The following WDR82 variants were observed in gnomAD, a reference collection of about 807,000 sequenced individuals.
WDR82 encodes WD repeat domain 82, also known as WD repeat-containing protein 82.
A neutral mutation model predicts 36.1 loss-of-function variants in WDR82; 8 were observed. That is an observed-to-expected ratio of 0.22 (90% CI 0.13 to 0.40). The LOEUF (loss-of-function observed/expected upper bound fraction) is 0.40, where lower values mean the gene tolerates loss of function less well. Among genes scored for constraint, WDR82 ranks in the 10% least tolerant of loss-of-function variants. The pLI, the probability that WDR82 is intolerant of heterozygous loss-of-function variation, is 1.00. For synonymous variants in WDR82, 129 were observed against 137.8 expected (o/e 0.94, Z 0.45); for missense variants, 185 against 400.5 (o/e 0.46, Z 4.59).
chr3:52,266,993 A>G lies in WDR82; in HGVS notation c.285T>C (p.His95=), dbSNP rs1700111664. The change falls in exon 3 of 9, where the codon CAT becomes CAC. Residue 95 remains histidine (H), a synonymous_variant. Coordinates refer to ENST00000296490, the MANE Select transcript of WDR82 (RefSeq NM_025222.4). ...GAAAGTATCTGATGTATTTGTTGTC[A>G]TGCAAGGACAAGTAACGAATAGTAT... The part of the protein sequence containing the change: ...IDDTIRYLSL[H]DNKYIRYFPG... 6.2e-7 allele frequency: 1 copy of G among 1,611,054 alleles called. No individual in the cohort carries two copies. The highest frequency in any genetic ancestry group is 1.7e-5 in the Admixed American group (1 of 59,916).
intron 2 of WDR82, chr3:52,268,254 A>T: frequency 2.1e-6 from 1 of 466,504 alleles, no homozygotes. Context: ...TCTCAGCCCC[A>T]CTTGGCAGCT....
At chr3:52,271,162 T>C (rs1700149927) in intron 1 of WDR82, among the ~76,000 whole-genome samples, 1 of 152,234 alleles carries the variant, frequency 6.6e-6, no homozygotes, top group African/African-American at 2.4e-5. Flanking sequence ...AGGGTAATGG[T>C]CTCATAAGAT....
chr3:52,262,212 TAA>T (rs567034794), intron 3 of WDR82, among the ~76,000 whole-genome samples: 197 of 152,324 alleles, frequency 1.3e-3, no homozygotes, highest in African/African-American at 4.3e-3. Flanking sequence ...GGCAAATCTA[TAA>T]AGACAGAAGT....
At chr3:52,276,433 ACCCG>A (rs1700203494) in intron 1 of WDR82, among the ~76,000 whole-genome samples, 1 of 151,004 alleles carries the variant, frequency 6.6e-6, no homozygotes, top group East Asian at 1.9e-4. Context: ...TCCGTCCCCC[ACCCG>A]AAAAAAAAAA....
intron 7 of WDR82, 86 bp from the exon 8 acceptor site, chr3:52,258,764 A>G: frequency 6.3e-7 from 1 of 1,586,294 alleles, no homozygotes; most frequent in Non-Finnish European, 8.6e-7. Flanking sequence ...AGATCTGAGG[A>G]TACGCCAAGC....
chr3:52,277,181 G>C (rs1700212014), intron 1 of WDR82, among the ~76,000 whole-genome samples: 1 of 151,854 alleles, frequency 6.6e-6, no homozygotes. Context: ...AGCCTTCTTG[G>C]GGAAGGTGGC....
At chr3:52,275,111 C>T (rs1196219295) in intron 1 of WDR82, among the ~76,000 whole-genome samples, 1 of 152,164 alleles carries the variant, frequency 6.6e-6, no homozygotes. Context: ...ATCCCAGCTA[C>T]TCAGGAGGCT....
chr3:52,278,556 C>T lies in WDR82; in HGVS notation c.-195G>A. The T allele has an allele frequency of 2.2e-6, 1 of 450,286 alleles. No individual in the cohort carries two copies. The highest frequency in any genetic ancestry group is 4.4e-5 in the Admixed American group (1 of 22,708). The allele number at this position is 450,286 out of a possible 1,614,324, so 27.9% of individuals were successfully genotyped here. ...GTCTTCTGCCTGGACTGTGGAGCCTCGCCGACCGTTCGTCCTCACAGCCAC... is the reference window on the plus strand; with the variant it reads ...GTCTTCTGCCTGGACTGTGGAGCCTTGCCGACCGTTCGTCCTCACAGCCAC... On this transcript the variant is annotated 5_prime_UTR_variant, in exon 1 of 9. Coordinates refer to ENST00000296490, the MANE Select transcript of WDR82 (RefSeq NM_025222.4).
At chr3:52,277,083 T>TAAC (rs1700211021) in intron 1 of WDR82, among the ~76,000 whole-genome samples, 1 of 146,344 alleles carries the variant, frequency 6.8e-6, no homozygotes, top group Non-Finnish European at 1.5e-5. Context: ...ATAATAATAA[T>TAAC]AATAATAATA....
chr3:52,278,505 C>G lies in WDR82; in HGVS notation c.-144G>C. 1 of 657,912 alleles carries G rather than the reference C, an allele frequency of 1.5e-6. No homozygotes were observed. The highest frequency in any genetic ancestry group is 2.1e-6 in the Non-Finnish European group (1 of 465,500). 40.8% of individuals were successfully genotyped at this position (657,912 alleles called of 1,614,324 possible). Reference sequence around the variant, plus strand: ...AGTCGGCCAACAGTTGGGCCGCCTCCTCCTCTTCTTCCTGCTTGGTCGAGG... The same window carrying G: ...AGTCGGCCAACAGTTGGGCCGCCTCGTCCTCTTCTTCCTGCTTGGTCGAGG... On this transcript the variant is annotated 5_prime_UTR_variant, in exon 1 of 9. Coordinates refer to ENST00000296490, the MANE Select transcript of WDR82 (RefSeq NM_025222.4).
chr3:52,278,454 G>A lies in WDR82; in HGVS notation c.-93C>T. 9.1e-7 allele frequency: 1 copy of A among 1,100,360 alleles called. No individual in the cohort carries two copies. Among genetic ancestry groups the A allele is most frequent in the Non-Finnish European group, 1.1e-6 (1 of 886,868 alleles). 68.2% of individuals were successfully genotyped at this position (1,100,360 alleles called of 1,614,324 possible). On this transcript the variant is annotated 5_prime_UTR_variant, in exon 1 of 9. Coordinates refer to ENST00000296490, the MANE Select transcript of WDR82 (RefSeq NM_025222.4). ...GCCGAGGGGCCAACCCAGGCGGGGC[G>A]GGCGCCGCGCCGGCGGCTAGCGGGA...
intron 1 of WDR82, among the ~76,000 whole-genome samples, chr3:52,276,662 GGACCCCACAATGCT>G (rs374685425): frequency 3.4e-4 from 52 of 152,196 alleles, no homozygotes; most frequent in African/African-American, 1.2e-3. Flanking sequence ...TACTCCTCCA[GGACCCCACAATGCT>G]GACCCTACTA....
At position 52,254,860 on chromosome 3, in the gene WDR82, C is replaced by G. The variant is rs1258348395; in HGVS notation, c.*2630G>C. 6.6e-6 allele frequency: 1 copy of G among 152,312 alleles called. No individual in the cohort carries two copies. The highest frequency in any genetic ancestry group is 1.5e-5 in the Non-Finnish European group (1 of 68,156). 9.4% of individuals were successfully genotyped at this position (152,312 alleles called of 1,614,324 possible). On this transcript the variant is annotated 3_prime_UTR_variant, in exon 9 of 9. Coordinates refer to ENST00000296490, the MANE Select transcript of WDR82 (RefSeq NM_025222.4). ...CAGCATCTCTTCCACTCGCTTCCAG[C>G]TATATCTTTTCCCTTTCCTTCTTAA...
rs371572705 is a variant in WDR82, at chr3:52,255,564, T to C, written c.*1926A>G. On this transcript the variant is annotated 3_prime_UTR_variant, in exon 9 of 9. Coordinates refer to ENST00000296490, the MANE Select transcript of WDR82 (RefSeq NM_025222.4). ...GATTCTAGTCTACATTTGGGAAAGG[T>C]GTACGCCTCTTGCACTTTCAGAGGA... is the stretch of plus-strand genomic sequence containing the variant. The C allele has an allele frequency of 4.6e-5, 7 of 151,954 alleles. No individual in the cohort carries two copies. The highest frequency in any genetic ancestry group is 1.5e-4 in the African/African-American group (6 of 41,348). 9.4% of individuals were successfully genotyped at this position (151,954 alleles called of 1,614,324 possible).
rs1214391296 is a variant in WDR82 at position 52,261,389 on chromosome 3, A to T, written c.417T>A (p.Pro139=). The T allele has an allele frequency of 6.2e-7, 1 of 1,611,368 alleles. No homozygotes were observed. The highest frequency in any genetic ancestry group is 1.7e-5 in the Admixed American group (1 of 59,426). Residue 139 remains proline, a synonymous_variant, in exon 4 of 9, where the codon CCT becomes CCA. Transcript: ENST00000296490. ...TGTGAGGTACCATTACCTGGCAGTT[A>T]GGAGACCGGAGATCCCAGAGTCGAA... The part of the protein sequence containing the change: ...KTIRLWDLRS[P]NCQGLMHLQG...
intron 6 of WDR82, among the ~76,000 whole-genome samples, 162 bp downstream of exon 6, chr3:52,259,555 G>A (rs539787823): frequency 2.6e-5 from 4 of 152,256 alleles, no homozygotes; most frequent in African/African-American, 4.8e-5. Context: ...GAACATCTAC[G>A]AAATCCAAGA....
At chr3:52,275,209 G>T (rs1052936957) in intron 1 of WDR82, among the ~76,000 whole-genome samples, 1 of 152,212 alleles carries the variant, frequency 6.6e-6, no homozygotes, top group South Asian at 2.1e-4. Context: ...CAACAAGAGC[G>T]AAAGTCCCTA....
At chr3:52,271,151 T>C (rs1333244262) in intron 1 of WDR82, among the ~76,000 whole-genome samples, 1 of 152,330 alleles carries the variant, frequency 6.6e-6, no homozygotes, top group Non-Finnish European at 1.5e-5. Context: ...AGACAGCACA[T>C]AGGGTAATGG....
chr3:52,260,798 A>G (rs1381143178), intron 4 of WDR82, among the ~76,000 whole-genome samples: 1 of 152,246 alleles, frequency 6.6e-6, no homozygotes, highest in African/African-American at 2.4e-5. Context: ...TCAAATAAAA[A>G]TAAATCCCTT....
Sources: gnomAD v4.1 joint callset for allele counts (sites outside exome capture counted in the v4.1 genomes callset) on GRCh38, gnomAD v4.1.1 for gene constraint, MANE v1.5 for transcripts, NCBI Gene and HGNC (gene_info 2026-07-23, HGNC 2026-07-21) for gene names.